DEAF1: variants seen among roughly 807,000 people sequenced by gnomAD.
DEAF1 encodes the protein DEAF1 transcription factor.
Under a neutral mutation model 58.9 loss-of-function variants are expected in DEAF1, and 53 were observed. That is an observed-to-expected ratio of 0.90 (90% CI 0.72 to 1.13). DEAF1 has a LOEUF of 1.13. Ranked by LOEUF, DEAF1 falls within the 50% of genes most tolerant of loss-of-function variation. The probability of loss-of-function intolerance (pLI) is 0.00; values close to 1 mark genes in which losing one functional copy is unlikely to be tolerated. For synonymous variants in DEAF1, 385 were observed against 340.4 expected (o/e 1.13, Z -1.44); for missense variants, 685 against 791.4 (o/e 0.87, Z 1.61).
chr11:703,990 GTATC>G (rs748549653), intron 1 of DEAF1: 5 of 1,224,132 alleles, frequency 4.1e-6, no homozygotes, highest in Non-Finnish European at 5.1e-6. Context: ...TCCTTAAAAA[GTATC>G]TAAGCTGTTA....
intron 6 of DEAF1, among the ~76,000 whole-genome samples, chr11:681,924 G>C (rs2133386827): frequency 6.6e-6 from 1 of 152,268 alleles, no homozygotes; most frequent in East Asian, 1.9e-4. Context: ...TATGGTCCAA[G>C]GCTCCTTGCA....
chr11:695,295 G>A (rs888194753), upstream of DEAF1: 2 of 464,214 alleles, frequency 4.3e-6, no homozygotes, highest in Non-Finnish European at 7.5e-6. Context: ...CCGCCGAGCC[G>A]AGACCGAGTC....
chr11:687,076 C>G, intron 4 of DEAF1, 79 bp from the exon 5 acceptor site: 2 of 1,597,336 alleles, frequency 1.3e-6, no homozygotes, highest in Non-Finnish European at 1.7e-6. Flanking sequence ...GGCGCCTCCT[C>G]AACCCCTCCA....
intron 10 of DEAF1, among the ~76,000 whole-genome samples, chr11:670,833 A>G (rs1859789005): frequency 7.9e-6 from 1 of 126,522 alleles, no homozygotes; most frequent in Non-Finnish European, 1.6e-5. Flanking sequence ...GCTGGAGTAC[A>G]GTGGTGTGAT....
intron 10 of DEAF1, among the ~76,000 whole-genome samples, chr11:656,973 G>T (rs117976424): frequency 0.011 from 1,690 of 152,108 alleles, 21 homozygotes; most frequent in Non-Finnish European, 0.014. Flanking sequence ...TCTCTTCACA[G>T]ATACAGAAGT....
At chr11:685,926 T>C (rs901634565) in intron 5 of DEAF1, among the ~76,000 whole-genome samples, 1 of 149,134 alleles carries the variant, frequency 6.7e-6, no homozygotes, top group African/African-American at 2.5e-5. Context: ...GGTGGCTCAC[T>C]TGAGGTCGGG....
At chr11:700,081 C>T (rs1043177023), upstream of DEAF1, 1 of 1,445,986 alleles carries the variant, frequency 6.9e-7, no homozygotes, top group African/African-American at 1.4e-5. Flanking sequence ...CCCTCTTGTT[C>T]AGCCACCTGG....
chr11:660,919 C>G (rs1031442647), intron 10 of DEAF1, among the ~76,000 whole-genome samples: 9 of 152,332 alleles, frequency 5.9e-5, no homozygotes, highest in African/African-American at 2.2e-4. Flanking sequence ...CGCAGGGAAG[C>G]GGCTGCTCTG....
intron 10 of DEAF1, among the ~76,000 whole-genome samples, chr11:670,990 G>A (rs1379474806): frequency 5.1e-5 from 7 of 137,622 alleles, no homozygotes; most frequent in Non-Finnish European, 9.2e-5. Context: ...GTGCAGTGGC[G>A]CGATCTCGGC....
chr11:646,988 A>T (rs1589966733), intron 11 of DEAF1, among the ~76,000 whole-genome samples: 1 of 37,122 alleles, frequency 2.7e-5, no homozygotes, highest in Non-Finnish European at 6.4e-5. Context: ...TATCTCTATA[A>T]AAAAAAAAAA....
chr11:701,714 C>T (rs555671965), intron 1 of DEAF1, among the ~76,000 whole-genome samples: 52 of 152,190 alleles, frequency 3.4e-4, no homozygotes, highest in African/African-American at 1.1e-3. Context: ...CGGCCGGAGA[C>T]AGGGTTTCGC....
chr11:699,926 G>C (rs896388437), upstream of DEAF1: 1 of 549,726 alleles, frequency 1.8e-6, no homozygotes, highest in East Asian at 3.1e-5. Flanking sequence ...GTGGCATGGA[G>C]GGGGGTCCCA....
rs544896545 is a variant in DEAF1 at position 682,295 on chromosome 11, T to C, written c.871-1206A>G. On this transcript the variant is annotated intron_variant, in intron 6 of 11. Coordinates refer to ENST00000382409, the MANE Select transcript of DEAF1 (RefSeq NM_021008.4). The stretch of plus-strand genomic sequence containing the variant: ...CACACTGCTCCACTGTCTGAGCCAA[T>C]TAAATTAGGGCTTCTTTACTGAGAG... 3.9e-5 allele frequency among the ~76,000 whole-genome samples: 6 copies of C among 152,344 alleles called. No homozygotes were observed. The South Asian group carries it at 1.2e-3, about 32-fold the overall frequency.
chr11:699,477 T>C (rs547853379), upstream of DEAF1: 2 of 154,648 alleles, frequency 1.3e-5, no homozygotes, highest in South Asian at 3.9e-4. Flanking sequence ...CCGGGCGCAG[T>C]GGCTCATGCC....
chr11:656,891 T>A (rs1388384265), intron 10 of DEAF1, among the ~76,000 whole-genome samples: 16 of 151,150 alleles, frequency 1.1e-4, no homozygotes, highest in Admixed American at 1.1e-3. Context: ...AACTGAAAAA[T>A]AACGTTCTAG....
chr11:692,735 C>A (rs1321592968), intron 1 of DEAF1, among the ~76,000 whole-genome samples: 1 of 152,134 alleles, frequency 6.6e-6, no homozygotes, highest in Non-Finnish European at 1.5e-5. Flanking sequence ...GCCTGTAATC[C>A]CAGCTACTCG....
Position 694,912 on chromosome 11 carries a change from C to A in DEAF1, c.136G>T (p.Glu46Ter). ...EAEEPVLSRD[E>*]DSEEDADSEA... ...GAGTCTGCGTCCTCCTCCGAGTCCT[C>A]GTCCCTGCTCAGCACCGGCTCCTCC... is the stretch of plus-strand genomic sequence containing the variant. The change falls in exon 1 of 12, where the codon GAG (glutamate) becomes TAG (stop). Residue 46 changes from glutamate (E) to a stop codon, truncating the protein, a stop_gained. Coordinates refer to ENST00000382409, the MANE Select transcript of DEAF1 (RefSeq NM_021008.4). LOFTEE classifies it high-confidence loss of function. The A allele has an allele frequency of 2.7e-6, 4 of 1,460,292 alleles. No individual in the cohort carries two copies. Among genetic ancestry groups the A allele is most frequent in the Non-Finnish European group, 3.6e-6 (4 of 1,106,386 alleles). The allele number at this position is 1,460,292 out of a possible 1,614,324, so 90.5% of individuals were successfully genotyped here. A position where few individuals can be genotyped will look rare whatever the true frequency, so the allele number is the denominator to read the frequency against.
chr11:647,815 A>G (rs1300932735), intron 11 of DEAF1, among the ~76,000 whole-genome samples: 1 of 151,424 alleles, frequency 6.6e-6, no homozygotes, highest in East Asian at 1.9e-4. Context: ...CAGTGCTGGG[A>G]GCAGGTGGGT....
chr11:649,576 C>T (rs752831171), intron 11 of DEAF1, among the ~76,000 whole-genome samples: 4 of 151,404 alleles, frequency 2.6e-5, no homozygotes, highest in Non-Finnish European at 4.4e-5. Flanking sequence ...AAAAATTAGC[C>T]GGGTCTGATG....
Sources: gnomAD v4.1 joint callset for allele counts (sites outside exome capture counted in the v4.1 genomes callset) on GRCh38, gnomAD v4.1.1 for gene constraint, MANE v1.5 for transcripts, NCBI Gene and HGNC (gene_info 2026-07-23, HGNC 2026-07-21) for gene names.